Variants in BRAT1 observed in about 807,000 individuals in gnomAD.
BRAT1 encodes integrator complex assembly factor BRAT1.
BRAT1 carries 74 observed loss-of-function variants against 70.6 expected under a neutral mutation model. That is an observed-to-expected ratio of 1.05 (90% CI 0.87 to 1.27). The LOEUF is 1.27. BRAT1 is among the 50% of genes most tolerant of loss of function. The pLI is 0.00. For synonymous variants in BRAT1, 615 were observed against 517.1 expected, an observed-to-expected ratio of 1.19 and a Z score of -2.57; for missense variants, 1,203 against 1,098.2, an observed-to-expected ratio of 1.10 and a Z score of -1.35.
rs1207977596 is a variant in BRAT1, at chr7:2,547,310, G to C, written c.282+14C>G. On this transcript the variant is annotated intron_variant, in intron 3 of 13. Coordinates refer to ENST00000340611, the MANE Select transcript of BRAT1 (RefSeq NM_152743.4). ...CTCTCCACGGGACACTCAGGTGGGAGGCCCCAGGCTCACCTGAAGATACTG... is the reference window on the plus strand; with the variant it reads ...CTCTCCACGGGACACTCAGGTGGGACGCCCCAGGCTCACCTGAAGATACTG... 4 of 1,613,206 alleles carry C rather than the reference G, an allele frequency of 2.5e-6. No homozygotes were observed. Among genetic ancestry groups the C allele is most frequent in the East Asian group, 2.2e-5 (1 of 44,854 alleles).
chr7:2,550,831 A>G (rs76229077), intron 2 of BRAT1, among the ~76,000 whole-genome samples: 1 of 152,154 alleles, frequency 6.6e-6, no homozygotes, highest in Non-Finnish European at 1.5e-5. Flanking sequence ...AGAACTGTTG[A>G]ATTGGTACCA....
intron 1 of BRAT1, among the ~76,000 whole-genome samples, chr7:2,555,020 G>A (rs1205772225): frequency 6.6e-6 from 1 of 151,234 alleles, no homozygotes; most frequent in African/African-American, 2.4e-5. Flanking sequence ...CCAGTAGGAG[G>A]GTGAGGAGGG....
rs533528841 is a variant in BRAT1 at position 2,539,861 on chromosome 7, G to A, written c.1423C>T (p.Leu475Phe). 1 of 1,590,926 alleles carries A rather than the reference G, an allele frequency of 6.3e-7. No individual in the cohort carries two copies. Among genetic ancestry groups the A allele is most frequent in the African/African-American group, 1.3e-5 (1 of 74,144 alleles). ...TVLKKAFQATLRWLLSSPKTP... is the reference protein window; with the variant it reads ...TVLKKAFQATFRWLLSSPKTP... Reference sequence around the variant, plus strand: ...TTGGGTGAGCTCAGGAGCCACCTGAGCGTGGCCTGGAAGGCCTTCTTCAGA... The same window carrying A: ...TTGGGTGAGCTCAGGAGCCACCTGAACGTGGCCTGGAAGGCCTTCTTCAGA... Residue 475 changes from leucine to phenylalanine, a missense_variant, in exon 11 of 14, where the codon CTC becomes TTC. Coordinates refer to ENST00000340611, the MANE Select transcript of BRAT1 (RefSeq NM_152743.4).
At chr7:2,550,467 C>CAAA (rs71550358) in intron 2 of BRAT1, among the ~76,000 whole-genome samples, 4 of 32,622 alleles carry the variant, frequency 1.2e-4, no homozygotes, top group Admixed American at 3.8e-4. Flanking sequence ...GACTCCATCT[C>CAAA]AAAAAAAAAA....
chr7:2,554,202 C>G, intron 2 of BRAT1, 103 bp downstream of exon 2: 1 of 1,459,192 alleles, frequency 6.9e-7, no homozygotes. Context: ...CAGTTTCTGC[C>G]CTTCCTCCAG....
At chr7:2,544,509 T>C (rs1562581554) in intron 4 of BRAT1, among the ~76,000 whole-genome samples, 1 of 152,178 alleles carries the variant, frequency 6.6e-6, no homozygotes, top group African/African-American at 2.4e-5. Context: ...GCCTCGTTTC[T>C]TGTTTTTTTG....
intron 4 of BRAT1, chr7:2,544,277 A>G (rs959695925): frequency 8.2e-5 from 18 of 219,624 alleles, no homozygotes; most frequent in African/African-American, 2.3e-4. Context: ...ATCTCAGTTC[A>G]CTGCAACTTC....
chr7:2,548,902 T>C (rs987668029), intron 2 of BRAT1, among the ~76,000 whole-genome samples: 4 of 149,176 alleles, frequency 2.7e-5, no homozygotes, highest in Admixed American at 6.7e-5. Context: ...GAGGTGGAGG[T>C]TGCGGTGAGC....
At chr7:2,550,531 GA>G (rs11297774) in intron 2 of BRAT1, among the ~76,000 whole-genome samples, 3,719 of 100,566 alleles carry the variant, frequency 0.037, 163 homozygotes, top group African/African-American at 0.12. Flanking sequence ...TATGTAAAGC[GA>G]AAAAAAAAAA....
intron 2 of BRAT1, 48 bp from the exon 3 acceptor site, chr7:2,547,526 T>G (rs1167833552): frequency 6.3e-7 from 1 of 1,592,442 alleles, no homozygotes; most frequent in Admixed American, 1.7e-5. Flanking sequence ...CGGCACCAGG[T>G]GTCCCCCTGG....
intron 10 of BRAT1, chr7:2,540,330 C>T (rs561068978): frequency 4.9e-5 from 8 of 163,090 alleles, no homozygotes; most frequent in East Asian, 3.7e-4. Flanking sequence ...GGCCCCCCAA[C>T]GCACAGTAAT....
intron 11 of BRAT1, 23 bp downstream of exon 11, chr7:2,539,763 A>C: frequency 6.3e-7 from 1 of 1,598,346 alleles, no homozygotes; most frequent in Non-Finnish European, 8.5e-7. Flanking sequence ...AGCTCCGTTC[A>C]CCCCTGCAAG....
chr7:2,541,925 A>C (rs112976303), intron 7 of BRAT1, 89 bp from the exon 8 acceptor site: 2 of 1,418,724 alleles, frequency 1.4e-6, no homozygotes, highest in Non-Finnish European at 2.0e-6. Context: ...CCCACAGCAC[A>C]GGCCAGGACC....
At chr7:2,554,622 A>C (rs929305644) in intron 1 of BRAT1, among the ~76,000 whole-genome samples, 175 bp from the exon 2 acceptor site, 1 of 152,168 alleles carries the variant, frequency 6.6e-6, no homozygotes, top group Non-Finnish European at 1.5e-5. Flanking sequence ...ATGGATGCAA[A>C]GCTTTGGTCT....
At chr7:2,550,708 CAG>C (rs1171007025) in intron 2 of BRAT1, among the ~76,000 whole-genome samples, 1 of 151,920 alleles carries the variant, frequency 6.6e-6, no homozygotes, top group African/African-American at 2.4e-5. Context: ...GGAGAAATGA[CAG>C]AGGCTGGGAG....
At chr7:2,549,102 G>A (rs1323370005) in intron 2 of BRAT1, among the ~76,000 whole-genome samples, 1 of 152,218 alleles carries the variant, frequency 6.6e-6, no homozygotes, top group Non-Finnish European at 1.5e-5. Flanking sequence ...TGAAGTTCAA[G>A]TGCTCTGAGG....
intron 3 of BRAT1, among the ~76,000 whole-genome samples, chr7:2,545,991 A>T (rs1265334934): frequency 1.3e-5 from 2 of 152,216 alleles, no homozygotes; most frequent in African/African-American, 2.4e-5. Context: ...CAACCTGGCG[A>T]GGGCCTGTGA....
intron 1 of BRAT1, 121 bp downstream of exon 1, chr7:2,555,366 C>G (rs1780347732): frequency 6.6e-6 from 1 of 152,324 alleles, no homozygotes; most frequent in South Asian, 2.1e-4. Flanking sequence ...GGGAAGCGAG[C>G]CCAGGTCGCG....
intron 11 of BRAT1, 51 bp from the exon 12 acceptor site, chr7:2,539,693 G>A (rs1329334189): frequency 6.4e-7 from 1 of 1,551,958 alleles, no homozygotes; most frequent in African/African-American, 1.4e-5. Flanking sequence ...GGCTCACCCT[G>A]CCCTCAGAGC....
Sources: allele counts gnomAD v4.1 joint callset (sites outside exome capture counted in the v4.1 genomes callset), GRCh38; gene constraint gnomAD v4.1.1; transcripts MANE v1.5; gene names NCBI Gene and HGNC (gene_info 2026-07-23, HGNC 2026-07-21).